Variants in WDR7 observed in about 807,000 individuals in gnomAD.
WDR7 encodes the protein WD repeat-containing protein 7.
Under a neutral mutation model 169.4 loss-of-function variants are expected in WDR7, and 46 were observed. That is an observed-to-expected ratio of 0.27 (90% CI 0.21 to 0.35). The LOEUF is 0.35. Among genes scored for constraint, WDR7 ranks in the 10% least tolerant of loss-of-function variants. The pLI, the probability that WDR7 is intolerant of heterozygous loss-of-function variation, is 1.00. For missense variants in WDR7, 1,534 were observed against 1,859.3 expected, an observed-to-expected ratio of 0.83 and a Z score of 3.22; for synonymous variants, 612 against 666.8, an observed-to-expected ratio of 0.92 and a Z score of 1.27.
At chr18:56,711,058 C>CTT (rs796774673) in intron 12 of WDR7, among the ~76,000 whole-genome samples, 2 of 141,596 alleles carry the variant, frequency 1.4e-5, no homozygotes, top group African/African-American at 5.2e-5. Flanking sequence ...TTGTCCTTTG[C>CTT]TTTTTTTTTT....
chr18:56,795,158 T>A lies in WDR7; in HGVS notation c.3190+13502T>A, dbSNP rs151082531. Among the ~76,000 whole-genome samples, 380 of 152,332 alleles carry A rather than the reference T, an allele frequency of 2.5e-3. 3 individuals are homozygous for A. The highest frequency in any genetic ancestry group is 3.5e-3 in the Non-Finnish European group (236 of 68,040). ...TTAGGTTTTGGTCCATTATAATGAT[T>A]CATATCATTTTACAAATTTTCCTAT... On this transcript the variant is annotated intron_variant, in intron 19 of 27. Transcript: ENST00000254442.
At chr18:56,774,113 GATA>G (rs1360030299) in intron 16 of WDR7, among the ~76,000 whole-genome samples, 1 of 152,150 alleles carries the variant, frequency 6.6e-6, no homozygotes, top group South Asian at 2.1e-4. Flanking sequence ...GTGCTAGGAA[GATA>G]ATGAGATTTA....
chr18:56,831,801 A>C (rs1311041884), intron 20 of WDR7, among the ~76,000 whole-genome samples: 2 of 152,164 alleles, frequency 1.3e-5, no homozygotes, highest in Non-Finnish European at 2.9e-5. Flanking sequence ...AGTGCTGTCC[A>C]ACCCAGATGC....
At chr18:56,796,884 G>A (rs1210046384) in intron 19 of WDR7, among the ~76,000 whole-genome samples, 1 of 152,112 alleles carries the variant, frequency 6.6e-6, no homozygotes, top group South Asian at 2.1e-4. Flanking sequence ...GAAATTTGAG[G>A]GGAGTTTGTT....
At chr18:56,736,362 G>T (rs1276880589) in intron 14 of WDR7, among the ~76,000 whole-genome samples, 1 of 151,902 alleles carries the variant, frequency 6.6e-6, no homozygotes, top group Non-Finnish European at 1.5e-5. Flanking sequence ...CAAAATCTTG[G>T]TATAGAATTA....
At chr18:56,915,466 G>A (rs1362123421) in intron 21 of WDR7, among the ~76,000 whole-genome samples, 2 of 152,130 alleles carry the variant, frequency 1.3e-5, no homozygotes, top group Non-Finnish European at 2.9e-5. Flanking sequence ...TAGGAATTTG[G>A]TTGTAATTGA....
intron 21 of WDR7, among the ~76,000 whole-genome samples, chr18:56,880,592 A>C (rs372465553): frequency 4.7e-4 from 72 of 152,330 alleles, no homozygotes; most frequent in African/African-American, 1.7e-3. Flanking sequence ...TCAATAAATA[A>C]ATTCTCAACA....
chr18:56,928,243 TG>T (rs532928078), intron 22 of WDR7, among the ~76,000 whole-genome samples: 105 of 152,224 alleles, frequency 6.9e-4, no homozygotes, highest in African/African-American at 2.4e-3. Context: ...GTGGGAGGAT[TG>T]CTTGAGCTCA....
At chr18:56,831,306 C>G (rs2045304096) in intron 20 of WDR7, among the ~76,000 whole-genome samples, 1 of 152,020 alleles carries the variant, frequency 6.6e-6, no homozygotes, top group Non-Finnish European at 1.5e-5. Context: ...ATGCTAAAGG[C>G]AGGCCAGATG....
chr18:56,787,843 A>G (rs1198399193), intron 19 of WDR7, among the ~76,000 whole-genome samples: 1 of 152,230 alleles, frequency 6.6e-6, no homozygotes, highest in Non-Finnish European at 1.5e-5. Context: ...TGAAAAGGAT[A>G]TTGTAGCTAG....
At chr18:57,002,415 A>G (rs2047996215) in intron 26 of WDR7, among the ~76,000 whole-genome samples, 1 of 152,204 alleles carries the variant, frequency 6.6e-6, no homozygotes, top group Admixed American at 6.5e-5. Flanking sequence ...CTAGGACAGG[A>G]GTTATTTCTG....
chr18:56,860,757 T>G (rs1013710915), intron 20 of WDR7, among the ~76,000 whole-genome samples: 1 of 152,196 alleles, frequency 6.6e-6, no homozygotes, highest in African/African-American at 2.4e-5. Context: ...ACACAATTAA[T>G]GATGCAGTTA....
At chr18:56,796,701 A>G (rs1430810467) in intron 19 of WDR7, among the ~76,000 whole-genome samples, 2 of 152,202 alleles carry the variant, frequency 1.3e-5, no homozygotes, top group Non-Finnish European at 2.9e-5. Flanking sequence ...TTTAATACCT[A>G]CTAAATCCAT....
At chr18:56,876,565 C>G (rs1013935637) in intron 20 of WDR7, among the ~76,000 whole-genome samples, 3 of 152,082 alleles carry the variant, frequency 2.0e-5, no homozygotes, top group South Asian at 2.1e-4. Flanking sequence ...TACAATACAT[C>G]ATGAATAAAG....
At chr18:56,974,097 A>C (rs1041613034) in intron 26 of WDR7, among the ~76,000 whole-genome samples, 4 of 152,198 alleles carry the variant, frequency 2.6e-5, no homozygotes, top group African/African-American at 7.2e-5. Context: ...GCACTGACAA[A>C]TTAAAGATAC....
Position 56,694,629 on chromosome 18 carries a change from G to C in WDR7, c.977G>C (p.Cys326Ser). The C allele has an allele frequency of 6.2e-7, 1 of 1,607,106 alleles. No homozygotes were observed. Among genetic ancestry groups the C allele is most frequent in the East Asian group, 2.2e-5 (1 of 44,688 alleles). Residue 326 changes from cysteine (C) to serine (S), a missense_variant, in exon 10 of 28, where the codon TGT becomes TCT. Physicochemically the swap from Cys to Ser is moderately radical, Grantham distance 112. Transcript: ENST00000254442. ...LDRKDKELLI[C>S]PPVTRFFYGC... ...TACTTTTTTTGGCAGTTGCTAATTT[G>C]TCCTCCTGTTACTCGGTTCTTCTAT...
chr18:57,004,627 G>A (rs570714279), intron 26 of WDR7, among the ~76,000 whole-genome samples: 1 of 152,118 alleles, frequency 6.6e-6, no homozygotes, highest in Admixed American at 6.5e-5. Flanking sequence ...GTCACTAGCA[G>A]GTCATTTTAA....
rs560651580 is a variant in WDR7, at chr18:56,895,069, G to A, written c.3526+14904G>A. ...ACTAAAAGCTACGTCATCCTTAGTC[G>A]GTTCACATTAGATATATTCTAACAA... On this transcript the variant is annotated intron_variant, in intron 21 of 27. Coordinates refer to ENST00000254442, the MANE Select transcript of WDR7 (RefSeq NM_015285.3). Among the ~76,000 whole-genome samples the A allele has an allele frequency of 3.3e-5, 5 of 151,944 alleles. No homozygotes were observed. In the South Asian group the frequency reaches 6.2e-4, roughly 19 times the overall value.
At chr18:56,847,340 T>C (rs2045582778) in intron 20 of WDR7, among the ~76,000 whole-genome samples, 1 of 152,200 alleles carries the variant, frequency 6.6e-6, no homozygotes, top group South Asian at 2.1e-4. Context: ...GCCTGGCTGC[T>C]TCTAACAGCC....
Sources: gnomAD v4.1 joint callset for allele counts (sites outside exome capture counted in the v4.1 genomes callset) on GRCh38, gnomAD v4.1.1 for gene constraint, MANE v1.5 for transcripts, NCBI Gene and HGNC (gene_info 2026-07-23, HGNC 2026-07-21) for gene names.